ADORA2B: variants seen among roughly 807,000 people sequenced by gnomAD.
ADORA2B encodes the protein adenosine receptor A2b.
A neutral mutation model predicts 20.8 loss-of-function variants in ADORA2B; 18 were observed. The ratio of observed to expected loss-of-function variants is 0.87; its 90% CI spans 0.60 to 1.29. ADORA2B has a LOEUF of 1.29. Among genes scored for constraint, ADORA2B ranks in the 50% most tolerant of loss-of-function variants. The pLI, the probability that ADORA2B is intolerant of heterozygous loss-of-function variation, is 0.00. For synonymous variants in ADORA2B, 179 were observed against 178.3 expected, an observed-to-expected ratio of 1.00 and a Z score of -0.03; for missense variants, 441 against 422.7, an observed-to-expected ratio of 1.04 and a Z score of -0.38.
chr17:15,965,672 C>T (rs1970107115), intron 1 of ADORA2B, among the ~76,000 whole-genome samples: 1 of 152,370 alleles, frequency 6.6e-6, no homozygotes, highest in East Asian at 1.9e-4. Context: ...AAGGAAAAAG[C>T]CCTCTGACTG....
At chr17:15,934,722 A>G in the ADORA2B span, among the ~76,000 whole-genome samples, 1 of 152,150 alleles carries the variant, frequency 6.6e-6, no homozygotes, top group Admixed American at 6.5e-5. Context: ...AACATCATAC[A>G]AGTAATGTCT....
chr17:15,896,951 T>C, the ADORA2B span, among the ~76,000 whole-genome samples: 3 of 152,178 alleles, frequency 2.0e-5, no homozygotes, highest in South Asian at 2.1e-4. Flanking sequence ...TCAGCTTCTT[T>C]AGTGGGAAAC....
intron 1 of ADORA2B, among the ~76,000 whole-genome samples, chr17:15,956,406 A>G (rs146256490): frequency 8.2e-4 from 124 of 151,892 alleles, no homozygotes; most frequent in African/African-American, 2.9e-3. Context: ...TCTTTTCTTA[A>G]TCCCATTCTG....
At chr17:15,945,055 A>G (rs1969780359), upstream of ADORA2B, 3 of 367,280 alleles carry the variant, frequency 8.2e-6, no homozygotes, top group East Asian at 9.3e-5. Flanking sequence ...CGCGCGGGCC[A>G]ATGGGTGCCG....
chr17:15,875,296 A>G, the ADORA2B span, among the ~76,000 whole-genome samples: 1 of 152,142 alleles, frequency 6.6e-6, no homozygotes, highest in Non-Finnish European at 1.5e-5. Context: ...ATTTACCTCT[A>G]CATTGCTAAA....
At chr17:15,967,061 C>G (rs1216673217) in intron 1 of ADORA2B, among the ~76,000 whole-genome samples, 1 of 152,084 alleles carries the variant, frequency 6.6e-6, no homozygotes, top group African/African-American at 2.4e-5. Context: ...GAGTCTGCAG[C>G]AAGGGGTGGG....
the ADORA2B span, among the ~76,000 whole-genome samples, chr17:15,867,340 G>A: frequency 6.6e-6 from 1 of 151,986 alleles, no homozygotes; most frequent in Non-Finnish European, 1.5e-5. Context: ...ATGAAGTGAG[G>A]AGCGTCTCTG....
the ADORA2B span, among the ~76,000 whole-genome samples, chr17:15,929,124 A>C: frequency 6.6e-6 from 1 of 152,120 alleles, no homozygotes; most frequent in African/African-American, 2.4e-5. Context: ...GAGTGGAGGG[A>C]CATCCGAGAA....
upstream of ADORA2B, among the ~76,000 whole-genome samples, chr17:15,940,983 A>C (rs58678411): frequency 6.6e-6 from 1 of 152,176 alleles, no homozygotes; most frequent in Non-Finnish European, 1.5e-5. Context: ...TGGGCCTGTC[A>C]TGATATTTCT....
At chr17:15,881,692 TG>T in the ADORA2B span, among the ~76,000 whole-genome samples, 1 of 152,242 alleles carries the variant, frequency 6.6e-6, no homozygotes, top group Non-Finnish European at 1.5e-5. Flanking sequence ...TGCCCTTTGA[TG>T]AGGGGCTGAT....
chr17:15,916,088 G>GT, the ADORA2B span, among the ~76,000 whole-genome samples: 1 of 152,194 alleles, frequency 6.6e-6, no homozygotes, highest in Non-Finnish European at 1.5e-5. Context: ...GTCAGCTGGG[G>GT]TGGGGGGGTC....
chr17:15,917,445 A>T, the ADORA2B span, among the ~76,000 whole-genome samples: 1 of 152,164 alleles, frequency 6.6e-6, no homozygotes, highest in African/African-American at 2.4e-5. Context: ...GCGCAGCCAA[A>T]TCTCCTCAGG....
At chr17:15,933,075 C>T in the ADORA2B span, among the ~76,000 whole-genome samples, 1,213 of 151,774 alleles carry the variant, frequency 8.0e-3, 14 homozygotes, top group African/African-American at 0.028. Flanking sequence ...CCTGCCTCAG[C>T]ATCCCGAGTA....
intron 1 of ADORA2B, among the ~76,000 whole-genome samples, chr17:15,957,118 G>A (rs1395056425): frequency 6.6e-6 from 1 of 152,240 alleles, no homozygotes; most frequent in Non-Finnish European, 1.5e-5. Flanking sequence ...GACCAGGGCA[G>A]AGGCCATGGA....
At chr17:15,965,266 T>C (rs1056672423) in intron 1 of ADORA2B, among the ~76,000 whole-genome samples, 1 of 152,224 alleles carries the variant, frequency 6.6e-6, no homozygotes, top group Non-Finnish European at 1.5e-5. Flanking sequence ...GTGTTCAACA[T>C]GTTTCTTTGA....
At chr17:15,942,975 C>T (rs1400083605), upstream of ADORA2B, among the ~76,000 whole-genome samples, 1 of 152,180 alleles carries the variant, frequency 6.6e-6, no homozygotes, top group African/African-American at 2.4e-5. Context: ...TTGCCCTCTG[C>T]CACTCCAAGG....
the ADORA2B span, among the ~76,000 whole-genome samples, chr17:15,886,486 C>CAG: frequency 1.5e-5 from 2 of 129,668 alleles, 1 homozygote; most frequent in African/African-American, 6.6e-5. Context: ...GAGAAGGTGT[C>CAG]TCCGGCGTTT....
At chr17:15,852,261 A>G in the ADORA2B span, among the ~76,000 whole-genome samples, 1 of 152,216 alleles carries the variant, frequency 6.6e-6, no homozygotes, top group Admixed American at 6.5e-5. Context: ...CCTACCTTAA[A>G]AAGACCTTTC....
At chr17:15,939,509 C>T in the ADORA2B span, among the ~76,000 whole-genome samples, 123,942 of 152,146 alleles carry the variant, frequency 0.81, 55,773 homozygotes, top group Non-Finnish European at 0.99. Flanking sequence ...TCCAAGTTGT[C>T]TCCACTGCCT....
Sources: gnomAD v4.1 joint callset for allele counts (sites outside exome capture counted in the v4.1 genomes callset) on GRCh38, gnomAD v4.1.1 for gene constraint, MANE v1.5 for transcripts, NCBI Gene and HGNC (gene_info 2026-07-23, HGNC 2026-07-21) for gene names.